Variants in SFMBT2 observed in about 807,000 individuals in gnomAD.
The protein encoded by SFMBT2 is scm-like with four MBT domains protein 2.
In SFMBT2, 38 loss-of-function variants were observed where a neutral mutation model predicts 110.1. That is an observed-to-expected ratio of 0.35 (90% CI 0.27 to 0.45). The LOEUF is 0.45. SFMBT2 is among the 20% of genes least tolerant of loss of function. The pLI is 1.00. For synonymous variants in SFMBT2, 425 were observed against 425.4 expected (o/e 1.00, Z 0.01); for missense variants, 1,011 against 1,094.9 (o/e 0.92, Z 1.08).
intron 2 of SFMBT2, among the ~76,000 whole-genome samples, chr10:7,375,704 C>G (rs1845181801): frequency 6.6e-6 from 1 of 151,476 alleles, no homozygotes; most frequent in Non-Finnish European, 1.5e-5. Context: ...CCTCCTGACT[C>G]ATCCAACTAC....
chr10:7,295,756 T>C (rs1373748507), intron 4 of SFMBT2, among the ~76,000 whole-genome samples: 1 of 152,248 alleles, frequency 6.6e-6, no homozygotes, highest in Non-Finnish European at 1.5e-5. Context: ...TTTTGGCACT[T>C]AGTATCTTGT....
rs1167094769 is a variant in SFMBT2, at chr10:7,170,614, G to C, written c.2544+314C>G. On this transcript the variant is annotated intron_variant, in intron 20 of 20. Coordinates refer to ENST00000397167, the MANE Select transcript of SFMBT2 (RefSeq NM_001387889.1). The surrounding 1 kb of genome is among the most constrained non-coding windows in gnomAD (Gnocchi z 4.6). ...GAGATGGCAGGGGGAGCGTGGACTC[G>C]CACCCCTCACCTGGCAGCAACAGGC... Among the ~76,000 whole-genome samples, 3 of 152,024 alleles carry C rather than the reference G, an allele frequency of 2.0e-5. No homozygotes were observed. Among genetic ancestry groups the C allele is most frequent in the Non-Finnish European group, 4.4e-5 (3 of 67,978 alleles).
chr10:7,197,462 G>A (rs1838812496), intron 15 of SFMBT2, 86 bp downstream of exon 15: 3 of 1,537,786 alleles, frequency 2.0e-6, no homozygotes, highest in Non-Finnish European at 2.7e-6. Flanking sequence ...TGCTTCCAAT[G>A]CCTATTCCCT....
At chr10:7,366,944 G>C (rs997016624) in intron 4 of SFMBT2, among the ~76,000 whole-genome samples, 17 of 152,150 alleles carry the variant, frequency 1.1e-4, no homozygotes, top group African/African-American at 3.9e-4. Context: ...GTCCCCTGGG[G>C]GGTAAAACTG....
Position 7,161,389 on chromosome 10 carries a change from A to G in SFMBT2, c.*2381T>C, listed in dbSNP as rs1157367193. ...AGGAACAGCTGAGCTTGAAAAGGCC[A>G]CAGTGAAGGATCATCAAAGAGTCAG... On this transcript the variant is annotated 3_prime_UTR_variant, in exon 21 of 21. Coordinates refer to ENST00000397167, the MANE Select transcript of SFMBT2 (RefSeq NM_001387889.1). 2.0e-5 allele frequency: 3 copies of G among 152,300 alleles called. No individual in the cohort carries two copies. Among genetic ancestry groups the G allele is most frequent in the Non-Finnish European group, 4.4e-5 (3 of 68,084 alleles). 9.4% of individuals were successfully genotyped at this position (152,300 alleles called of 1,614,324 possible). A position where few individuals can be genotyped will look rare whatever the true frequency, so the allele number is the denominator to read the frequency against.
chr10:7,266,453 G>A (rs564569771), intron 7 of SFMBT2, among the ~76,000 whole-genome samples: 73 of 152,274 alleles, frequency 4.8e-4, no homozygotes, highest in African/African-American at 1.6e-3. Context: ...GCAGGAATCT[G>A]GGGGTGACCT....
At chr10:7,193,145 T>G (rs1208911342) in intron 15 of SFMBT2, among the ~76,000 whole-genome samples, 1 of 152,130 alleles carries the variant, frequency 6.6e-6, no homozygotes, top group African/African-American at 2.4e-5. Context: ...TCTATAAACG[T>G]TCCTCTCTTA....
At chr10:7,299,791 G>A (rs980388060) in intron 4 of SFMBT2, among the ~76,000 whole-genome samples, 2 of 151,818 alleles carry the variant, frequency 1.3e-5, no homozygotes, top group East Asian at 3.9e-4. Context: ...ATACCCAAAG[G>A]AATATAAATC....
At chr10:7,394,826 C>T (rs1230465744) in intron 1 of SFMBT2, among the ~76,000 whole-genome samples, 1 of 152,032 alleles carries the variant, frequency 6.6e-6, no homozygotes, top group Non-Finnish European at 1.5e-5. Context: ...CTGCCTGGGA[C>T]ACCAATGTTA....
chr10:7,406,613 A>G (rs899221287), intron 1 of SFMBT2, among the ~76,000 whole-genome samples: 1 of 152,212 alleles, frequency 6.6e-6, no homozygotes, highest in South Asian at 2.1e-4. Flanking sequence ...CTTGACTTTT[A>G]AGTCAAGAAT....
intron 4 of SFMBT2, chr10:7,348,476 T>A (rs1401685747): frequency 1.8e-6 from 1 of 560,524 alleles, no homozygotes; most frequent in Non-Finnish European, 2.8e-6. Context: ...TAATCAACTC[T>A]ACTTAACAGC....
chr10:7,411,285 C>G (rs574956067), upstream of SFMBT2: 63 of 152,262 alleles, frequency 4.1e-4, no homozygotes, highest in African/African-American at 1.5e-3. Flanking sequence ...ACCTTCCACG[C>G]CCACGCGGCC....
At chr10:7,382,523 A>C (rs1407686846) in intron 1 of SFMBT2, among the ~76,000 whole-genome samples, 1 of 152,208 alleles carries the variant, frequency 6.6e-6, no homozygotes, top group Non-Finnish European at 1.5e-5. Context: ...CATTATCACC[A>C]CTAAGATGGA....
chr10:7,318,872 T>G (rs1435425711), intron 4 of SFMBT2, among the ~76,000 whole-genome samples: 1 of 152,192 alleles, frequency 6.6e-6, no homozygotes, highest in Non-Finnish European at 1.5e-5. Flanking sequence ...AAAATGACAT[T>G]TTAGCAGAGA....
intron 1 of SFMBT2, among the ~76,000 whole-genome samples, chr10:7,397,731 G>A (rs1242864402): frequency 6.6e-6 from 1 of 152,250 alleles, no homozygotes; most frequent in Admixed American, 6.5e-5. Flanking sequence ...GTACCAGGAA[G>A]AACCGCATCT....
chr10:7,193,156 A>C (rs1838654347), intron 15 of SFMBT2, among the ~76,000 whole-genome samples: 1 of 152,172 alleles, frequency 6.6e-6, no homozygotes, highest in Non-Finnish European at 1.5e-5. Context: ...TCCTCTCTTA[A>C]GCTCCTGAAC....
chr10:7,297,333 C>T (rs1010874079), intron 4 of SFMBT2, among the ~76,000 whole-genome samples: 12 of 152,170 alleles, frequency 7.9e-5, no homozygotes, highest in African/African-American at 2.7e-4. Context: ...ACCACATTGG[C>T]TGTGTGACAT....
At chr10:7,407,456 A>G (rs1846250597) in intron 1 of SFMBT2, among the ~76,000 whole-genome samples, 1 of 152,054 alleles carries the variant, frequency 6.6e-6, no homozygotes, top group South Asian at 2.1e-4. Context: ...CCTCGTCTAA[A>G]TTGGTTTCCC....
intron 1 of SFMBT2, among the ~76,000 whole-genome samples, chr10:7,397,819 C>T (rs559284057): frequency 2.0e-5 from 3 of 152,326 alleles, no homozygotes; most frequent in African/African-American, 7.2e-5. Context: ...TATTTATACT[C>T]GCCCCGTCAG....
Sources: gnomAD v4.1 joint callset for allele counts (sites outside exome capture counted in the v4.1 genomes callset) on GRCh38, gnomAD v4.1.1 for gene constraint, Gnocchi (gnomAD v3.1) non-coding constraint, MANE v1.5 for transcripts, NCBI Gene and HGNC (gene_info 2026-07-23, HGNC 2026-07-21) for gene names.